Variants in IREB2 observed in about 807,000 individuals in gnomAD.
IREB2 encodes the protein iron responsive element binding protein 2, also known as iron-responsive element-binding protein 2.
Under a neutral mutation model 118.8 loss-of-function variants are expected in IREB2, and 39 were observed. The observed-to-expected ratio is 0.33, with a 90% CI of 0.25 to 0.43. The LOEUF (loss-of-function observed/expected upper bound fraction) is 0.43, where lower values mean the gene tolerates loss of function less well. IREB2 is among the 20% of genes least tolerant of loss of function. IREB2 has a pLI of 1.00. For synonymous variants in IREB2, 372 were observed against 392.2 expected, an observed-to-expected ratio of 0.95 and a Z score of 0.61; for missense variants, 900 against 1,147.3, an observed-to-expected ratio of 0.78 and a Z score of 3.11.
chr15:78,483,186 A>T, intron 10 of IREB2, 132 bp from the exon 11 acceptor site: 1 of 558,132 alleles, frequency 1.8e-6, no homozygotes, highest in Non-Finnish European at 3.2e-6. Flanking sequence ...AGGGTGTATT[A>T]TACTATTAAA....
chr15:78,472,513 C>A (rs537153348), intron 7 of IREB2, among the ~76,000 whole-genome samples: 2 of 152,144 alleles, frequency 1.3e-5, no homozygotes, highest in East Asian at 3.9e-4. Context: ...ACTACAGGCA[C>A]GTGCCACCAC....
rs373859045 is a variant in IREB2, at chr15:78,438,332, C to T, written c.-6C>T. On this transcript the variant is annotated 5_prime_UTR_variant, in exon 1 of 22. Transcript: ENST00000258886. Reference sequence around the variant, plus strand: ...CCTCCCCGGAGGGATAATATGGTCTCCGGCGATGGACGCCCCAAAAGCAGG... The same window carrying T: ...CCTCCCCGGAGGGATAATATGGTCTTCGGCGATGGACGCCCCAAAAGCAGG... 2.5e-6 allele frequency: 4 copies of T among 1,592,260 alleles called. No homozygotes were observed. The highest frequency in any genetic ancestry group is 3.4e-6 in the Non-Finnish European group (4 of 1,170,190).
chr15:78,488,711 T>C lies in IREB2; in HGVS notation c.2016T>C (p.His672=), dbSNP rs1251764700. Residue 672 remains histidine (H), a synonymous_variant, in exon 16 of 22, where the codon CAT becomes CAC. Coordinates refer to ENST00000258886, the MANE Select transcript of IREB2 (RefSeq NM_004136.4). ...HDIWPSREEV[H]RVEEEHVILS... ...TTTGGCCTAGTCGAGAAGAAGTTCA[T>C]CGAGTAGAGGAAGAACATGTTATAC... 1 of 1,600,970 alleles carries C rather than the reference T, an allele frequency of 6.2e-7. No individual in the cohort carries two copies. The highest frequency in any genetic ancestry group is 1.1e-5 in the South Asian group (1 of 90,750).
At chr15:78,447,354 G>T in intron 2 of IREB2, among the ~76,000 whole-genome samples, 1 of 143,450 alleles carries the variant, frequency 7.0e-6, no homozygotes, top group African/African-American at 2.6e-5. Flanking sequence ...TTTTTGAGAC[G>T]GACTCTTGCT....
At chr15:78,482,727 G>A (rs539101528) in intron 10 of IREB2, among the ~76,000 whole-genome samples, 1 of 151,516 alleles carries the variant, frequency 6.6e-6, no homozygotes, top group Non-Finnish European at 1.5e-5. Context: ...TTATCTTTGT[G>A]GGAAAAAACA....
chr15:78,497,344 C>T (rs753875601), intron 21 of IREB2, 33 bp downstream of exon 21: 5 of 1,386,094 alleles, frequency 3.6e-6, no homozygotes, highest in African/African-American at 1.4e-5. Flanking sequence ...TATGATTATG[C>T]ACTCAAATGT....
intron 20 of IREB2, among the ~76,000 whole-genome samples, chr15:78,495,759 T>A (rs2051828842): frequency 6.6e-6 from 1 of 152,114 alleles, no homozygotes; most frequent in Non-Finnish European, 1.5e-5. Context: ...GTAAAAAAAA[T>A]TCTACTTTTT....
At chr15:78,455,569 GAAAAAAAAAA>G (rs1703366601) in intron 2 of IREB2, among the ~76,000 whole-genome samples, 1 of 98,394 alleles carries the variant, frequency 1.0e-5, no homozygotes, top group Admixed American at 1.0e-4. Flanking sequence ...CATCTCTATT[GAAAAAAAAAA>G]GAAAAAAAGA....
chr15:78,482,213 G>C (rs895141113), intron 10 of IREB2, among the ~76,000 whole-genome samples: 10 of 152,178 alleles, frequency 6.6e-5, no homozygotes, highest in African/African-American at 2.2e-4. Context: ...CTGGGCAACA[G>C]AGTGAGACCC....
intron 2 of IREB2, among the ~76,000 whole-genome samples, chr15:78,462,400 G>T (rs1384487515): frequency 6.6e-6 from 1 of 152,176 alleles, no homozygotes; most frequent in East Asian, 1.9e-4. Context: ...TTGTGTCCTT[G>T]AAGTAATTAA....
chr15:78,498,130 G>A lies in IREB2; in HGVS notation c.2879G>A (p.Arg960Gln), dbSNP rs375120202. 18 of 1,589,232 alleles carry A rather than the reference G, an allele frequency of 1.1e-5. No individual in the cohort carries two copies. Among genetic ancestry groups the A allele is most frequent in the Non-Finnish European group, 1.4e-5 (16 of 1,157,650 alleles). Reference protein sequence around the residue: ...KHGGLLNFVARKFS With the variant: ...KHGGLLNFVAQKFS ...GGAGGATTATTAAACTTTGTGGCAC[G>A]AAAATTCTCATAGTATCTACTTACC... Residue 960 changes from arginine to glutamine, a missense_variant, in exon 22 of 22, where the codon CGA becomes CAA. Transcript: ENST00000258886.
intron 2 of IREB2, among the ~76,000 whole-genome samples, chr15:78,448,607 C>G (rs1262080660): frequency 6.6e-6 from 1 of 152,220 alleles, no homozygotes; most frequent in African/African-American, 2.4e-5. Flanking sequence ...TGACTCTAGT[C>G]AGACATAGGC....
At chr15:78,464,167 A>G (rs59897529) in intron 3 of IREB2, among the ~76,000 whole-genome samples, 5,370 of 152,272 alleles carry the variant, frequency 0.035, 322 homozygotes, top group African/African-American at 0.12. Flanking sequence ...CTTGCAATCA[A>G]TAGTCTGTTC....
intron 6 of IREB2, among the ~76,000 whole-genome samples, chr15:78,471,277 G>A (rs902901688): frequency 3.3e-5 from 5 of 152,212 alleles, no homozygotes; most frequent in African/African-American, 1.2e-4. Flanking sequence ...CCAAAGTGCT[G>A]CGATCACAGA....
Position 78,488,365 on chromosome 15 carries a change from C to T in IREB2, c.1951+29C>T, listed in dbSNP as rs754306402. 1.1e-5 allele frequency: 16 copies of T among 1,482,792 alleles called. 2 individuals carry two copies. In the Middle Eastern group the frequency reaches 1.8e-3, roughly 163 times the overall value. 91.9% of individuals were successfully genotyped at this position (1,482,792 alleles called of 1,614,324 possible). A position where few individuals can be genotyped will look rare whatever the true frequency, so the allele number is the denominator to read the frequency against. Reference sequence around the variant, plus strand: ...TCTTTTCCTTTATGTATATGTATACCTACACATACTTTTCCCAATGGAAGT... The same window carrying T: ...TCTTTTCCTTTATGTATATGTATACTTACACATACTTTTCCCAATGGAAGT... On this transcript the variant is annotated intron_variant, in intron 15 of 21. Coordinates refer to ENST00000258886, the MANE Select transcript of IREB2 (RefSeq NM_004136.4).
intron 8 of IREB2, chr15:78,475,962 G>A: frequency 2.9e-6 from 1 of 348,072 alleles, no homozygotes; most frequent in Non-Finnish European, 5.1e-6. Flanking sequence ...GAGCTTTCAG[G>A]CCCCTTTCTA....
Position 78,438,371 on chromosome 15 carries a change from T to A in IREB2, c.19+15T>A. 6.3e-7 allele frequency: 1 copy of A among 1,595,752 alleles called. No individual in the cohort carries two copies. The highest frequency in any genetic ancestry group is 8.5e-7 in the Non-Finnish European group (1 of 1,171,924). ...CCCAAAAGCAGGTCAGTTTCGGGCCTCCGAGCTGGGTCTGGCAGTTGGAAA... is the reference window on the plus strand; with the variant it reads ...CCCAAAAGCAGGTCAGTTTCGGGCCACCGAGCTGGGTCTGGCAGTTGGAAA... On this transcript the variant is annotated intron_variant, in intron 1 of 21. Coordinates refer to ENST00000258886, the MANE Select transcript of IREB2 (RefSeq NM_004136.4).
chr15:78,437,858 C>T (rs559123778), upstream of IREB2: 11 of 165,294 alleles, frequency 6.7e-5, no homozygotes, highest in South Asian at 1.4e-3. Context: ...TAGGGGAAAG[C>T]GGTTCTCCTT....
At chr15:78,479,475 A>G (rs2051529506) in intron 10 of IREB2, among the ~76,000 whole-genome samples, 1 of 151,068 alleles carries the variant, frequency 6.6e-6, no homozygotes, top group Non-Finnish European at 1.5e-5. Context: ...GCCTCAAGCA[A>G]TTCCTCCTGC....
Sources: allele counts gnomAD v4.1 joint callset (sites outside exome capture counted in the v4.1 genomes callset), GRCh38; gene constraint gnomAD v4.1.1; transcripts MANE v1.5; gene names NCBI Gene and HGNC (gene_info 2026-07-23, HGNC 2026-07-21).